The following ARL15 variants were observed in gnomAD, a reference collection of about 807,000 sequenced individuals.
ARL15 encodes the protein ADP-ribosylation factor-like protein 15.
In ARL15, 19 loss-of-function variants were observed where a neutral mutation model predicts 25.2. The observed-to-expected ratio is 0.75, with a 90% CI of 0.53 to 1.10. ARL15 has a LOEUF of 1.10. Among genes scored for constraint, ARL15 ranks in the 50% least tolerant of loss-of-function variants. ARL15 has a pLI of 0.00. For missense variants in ARL15, 220 were observed against 246.0 expected, an observed-to-expected ratio of 0.89 and a Z score of 0.71; for synonymous variants, 94 against 86.8, an observed-to-expected ratio of 1.08 and a Z score of -0.46.
chr5:54,286,472 G>A (rs1303660764), intron 1 of ARL15: 1 of 152,200 alleles, frequency 6.6e-6, no homozygotes, highest in East Asian at 1.9e-4. Flanking sequence ...CATGATCTCT[G>A]TGAAATTCAA....
chr5:53,954,817 C>T (rs1747091328), intron 4 of ARL15, among the ~76,000 whole-genome samples: 1 of 152,036 alleles, frequency 6.6e-6, no homozygotes, highest in African/African-American at 2.4e-5. Context: ...CTTTTAAAAA[C>T]ACTGTTCTTA....
At chr5:54,144,205 T>C (rs1169311143) in intron 3 of ARL15, among the ~76,000 whole-genome samples, 1 of 151,876 alleles carries the variant, frequency 6.6e-6, no homozygotes, top group African/African-American at 2.4e-5. Context: ...ATCTAAATAT[T>C]TTTTTTTCAT....
At chr5:54,083,958 GATGACTGA>G (rs1751879364) in intron 4 of ARL15, among the ~76,000 whole-genome samples, 1 of 152,174 alleles carries the variant, frequency 6.6e-6, no homozygotes, top group African/African-American at 2.4e-5. Flanking sequence ...CAGAAAAGAA[GATGACTGA>G]ATGATCTATA....
chr5:54,091,502 A>C (rs1044012099), intron 4 of ARL15, among the ~76,000 whole-genome samples: 1 of 152,142 alleles, frequency 6.6e-6, no homozygotes, highest in African/African-American at 2.4e-5. Context: ...CATATGCAGT[A>C]AGCAAAGGTG....
chr5:54,232,217 C>T (rs766620609), intron 1 of ARL15, among the ~76,000 whole-genome samples: 26 of 152,198 alleles, frequency 1.7e-4, no homozygotes, highest in Non-Finnish European at 2.9e-4. Flanking sequence ...ACCAAATGTT[C>T]CCATGATCCT....
chr5:54,122,872 T>C (rs1561232342), intron 3 of ARL15, among the ~76,000 whole-genome samples: 1 of 152,236 alleles, frequency 6.6e-6, no homozygotes, highest in Admixed American at 6.5e-5. Context: ...TCCATAGCTC[T>C]ACTAAATAAT....
intron 4 of ARL15, among the ~76,000 whole-genome samples, chr5:54,088,946 T>C (rs1579786399): frequency 6.6e-6 from 1 of 152,268 alleles, no homozygotes; most frequent in Non-Finnish European, 1.5e-5. Context: ...ATCCTAAAGG[T>C]GGTTTTGTCA....
chr5:54,281,928 C>T lies in ARL15; in HGVS notation c.48+28504G>A, dbSNP rs182264357. 2.4e-3 allele frequency among the ~76,000 whole-genome samples: 362 copies of T among 152,274 alleles called. 4 individuals carry two copies. Among genetic ancestry groups the T allele is most frequent in the Non-Finnish European group, 3.7e-3 (249 of 68,018 alleles). On this transcript the variant is annotated intron_variant, in intron 1 of 4. Coordinates refer to ENST00000504924, the MANE Select transcript of ARL15 (RefSeq NM_019087.3). ...TATATTTTTGCTGCTGTATTGTAAT[C>T]CGTTAAATTAAAACTCCATAATTGT...
At chr5:53,937,837 A>AAG (rs1746402347) in intron 4 of ARL15, among the ~76,000 whole-genome samples, 1 of 146,440 alleles carries the variant, frequency 6.8e-6, no homozygotes, top group African/African-American at 2.5e-5. Context: ...AAAAAAAAAA[A>AAG]GGGGTGGAGT....
chr5:53,967,644 T>C (rs956667363), intron 4 of ARL15, among the ~76,000 whole-genome samples: 8 of 152,088 alleles, frequency 5.3e-5, no homozygotes, highest in Non-Finnish European at 8.8e-5. Context: ...AGGTGTCCAG[T>C]AGGGTGCTGG....
chr5:54,258,702 T>TGC (rs1757427071), intron 1 of ARL15, among the ~76,000 whole-genome samples: 5 of 152,114 alleles, frequency 3.3e-5, no homozygotes, highest in African/African-American at 1.2e-4. Context: ...AGCCACCAGA[T>TGC]CAGAAGGGGA....
At chr5:53,988,400 C>G (rs1748370467) in intron 4 of ARL15, among the ~76,000 whole-genome samples, 1 of 151,506 alleles carries the variant, frequency 6.6e-6, no homozygotes, top group African/African-American at 2.4e-5. Context: ...ATAGCCCCCA[C>G]TTAAGTTATT....
Position 54,097,469 on chromosome 5 carries a change from T to C in ARL15, c.462+15733A>G, listed in dbSNP as rs1157612516. ...AAGAAGCTGGCACTACCAAATGTTA[T>C]TTAATTCTATAGTGAGATGGCTTTT... On this transcript the variant is annotated intron_variant, in intron 4 of 4. Transcript: ENST00000504924. 2.0e-5 allele frequency among the ~76,000 whole-genome samples: 3 copies of C among 152,360 alleles called. No individual in the cohort carries two copies. The East Asian group carries it at 5.8e-4, about 29-fold the overall frequency.
At chr5:54,092,869 C>T (rs2112150707) in intron 4 of ARL15, among the ~76,000 whole-genome samples, 1 of 152,224 alleles carries the variant, frequency 6.6e-6, no homozygotes, top group East Asian at 1.9e-4. Flanking sequence ...GAAAAGAAGA[C>T]CCAAATTATA....
At chr5:54,224,798 T>TTG in intron 1 of ARL15, among the ~76,000 whole-genome samples, 1 of 152,276 alleles carries the variant, frequency 6.6e-6, no homozygotes, top group Non-Finnish European at 1.5e-5. Flanking sequence ...TAAAAGCCAA[T>TTG]GTTTTAAAAA....
intron 4 of ARL15, among the ~76,000 whole-genome samples, chr5:54,029,306 T>TACC (rs1168500786): frequency 5.7e-4 from 68 of 120,080 alleles, no homozygotes; most frequent in Middle Eastern, 4.3e-3. Flanking sequence ...TAAAAACAGT[T>TACC]ACCACCACCA....
intron 4 of ARL15, among the ~76,000 whole-genome samples, chr5:54,050,424 G>C (rs1342106788): frequency 6.6e-6 from 1 of 152,144 alleles, no homozygotes; most frequent in Non-Finnish European, 1.5e-5. Flanking sequence ...AAAATGTTCT[G>C]CAATATAACT....
intron 4 of ARL15, among the ~76,000 whole-genome samples, chr5:54,062,233 C>T (rs1751090277): frequency 1.3e-5 from 2 of 152,250 alleles, no homozygotes; most frequent in Admixed American, 1.3e-4. Flanking sequence ...TGCCTTGTCT[C>T]AAATGAGGCT....
chr5:54,223,906 G>A (rs1756446147), intron 1 of ARL15, among the ~76,000 whole-genome samples: 1 of 152,076 alleles, frequency 6.6e-6, no homozygotes, highest in Non-Finnish European at 1.5e-5. Context: ...TCAGGAGCAG[G>A]TTATAAGAAT....
Sources: gnomAD v4.1 joint callset for allele counts (sites outside exome capture counted in the v4.1 genomes callset) on GRCh38, gnomAD v4.1.1 for gene constraint, MANE v1.5 for transcripts, NCBI Gene and HGNC (gene_info 2026-07-23, HGNC 2026-07-21) for gene names.